FIGN: variants seen among roughly 807,000 people sequenced by gnomAD.
FIGN encodes the protein fidgetin, microtubule severing factor.
A neutral mutation model predicts 51.3 loss-of-function variants in FIGN; 11 were observed. The observed-to-expected ratio is 0.21, with a 90% CI of 0.13 to 0.35. The LOEUF (loss-of-function observed/expected upper bound fraction) is 0.35, where lower values mean the gene tolerates loss of function less well. Among genes scored for constraint, FIGN ranks in the 10% least tolerant of loss-of-function variants. The pLI is 1.00. For synonymous variants in FIGN, 407 were observed against 363.2 expected, an observed-to-expected ratio of 1.12 and a Z score of -1.37; for missense variants, 857 against 943.6, an observed-to-expected ratio of 0.91 and a Z score of 1.20.
chr2:163,622,287 A>G lies in FIGN; in HGVS notation c.26-10481T>C, dbSNP rs916880711. Among the ~76,000 whole-genome samples, 17 of 152,188 alleles carry G rather than the reference A, an allele frequency of 1.1e-4. No homozygotes were observed. In the East Asian group the frequency reaches 2.3e-3, roughly 21 times the overall value. On this transcript the variant is annotated intron_variant, in intron 2 of 2. Coordinates refer to ENST00000333129, the MANE Select transcript of FIGN (RefSeq NM_018086.4). The stretch of plus-strand genomic sequence containing the variant: ...GAGATGATGGCTGCAGTGAGTTGAG[A>G]TCATGTCACTGCACTCCAGCCTCGG...
At chr2:163,651,440 A>C (rs1490827703) in intron 2 of FIGN, among the ~76,000 whole-genome samples, 1 of 152,222 alleles carries the variant, frequency 6.6e-6, no homozygotes, top group Non-Finnish European at 1.5e-5. Flanking sequence ...TGAGCGACAC[A>C]GTGAGACTCC....
chr2:163,642,105 C>T (rs1683314762), intron 2 of FIGN, among the ~76,000 whole-genome samples: 1 of 152,200 alleles, frequency 6.6e-6, no homozygotes, highest in Admixed American at 6.5e-5. Context: ...ATAGGACATT[C>T]TGGCTTCAAA....
At chr2:163,624,842 C>A (rs1241935716) in intron 2 of FIGN, among the ~76,000 whole-genome samples, 2 of 151,632 alleles carry the variant, frequency 1.3e-5, no homozygotes, top group East Asian at 1.9e-4. Flanking sequence ...TAGAAAAATA[C>A]CAGTAATGAG....
intron 2 of FIGN, among the ~76,000 whole-genome samples, chr2:163,623,066 AC>A (rs1172055613): frequency 2.0e-5 from 3 of 152,204 alleles, no homozygotes; most frequent in Non-Finnish European, 4.4e-5. Flanking sequence ...GGTAGGCTAC[AC>A]AAAAATTCAA....
chr2:163,731,387 A>T (rs1684926613), intron 2 of FIGN, among the ~76,000 whole-genome samples: 1 of 152,174 alleles, frequency 6.6e-6, no homozygotes, highest in South Asian at 2.1e-4. Context: ...TCTTGGAAAT[A>T]CTACCTATTT....
At chr2:163,735,534 A>G (rs1685001554) in intron 1 of FIGN, among the ~76,000 whole-genome samples, 1 of 152,262 alleles carries the variant, frequency 6.6e-6, no homozygotes, top group Non-Finnish European at 1.5e-5. Context: ...GTAAAAAGAT[A>G]GTAATAAGTA....
In FIGN at chr2:163,656,685, G is replaced by A. The variant is rs114087289; in HGVS notation, c.26-44879C>T. Among the ~76,000 whole-genome samples the A allele has an allele frequency of 9.4e-3, 1,426 of 152,144 alleles. 27 individuals are homozygous for A. The highest frequency in any genetic ancestry group is 0.033 in the African/African-American group (1,362 of 41,504). On this transcript the variant is annotated intron_variant, in intron 2 of 2. Transcript: ENST00000333129. ...CTAAATGATTTAAATTGCTTCTAACGGGCATTATTTTCCACTGTTTCATCA... is the reference window on the plus strand; with the variant it reads ...CTAAATGATTTAAATTGCTTCTAACAGGCATTATTTTCCACTGTTTCATCA...
At chr2:163,719,071 T>C (rs568363133) in intron 2 of FIGN, among the ~76,000 whole-genome samples, 14 of 152,284 alleles carry the variant, frequency 9.2e-5, no homozygotes, top group African/African-American at 3.1e-4. Flanking sequence ...AGGTGTTTTT[T>C]AGGCAGAAGA....
intron 2 of FIGN, among the ~76,000 whole-genome samples, chr2:163,704,725 A>G (rs1684471512): frequency 1.3e-5 from 2 of 150,948 alleles, no homozygotes; most frequent in African/African-American, 4.9e-5. Flanking sequence ...AGCGGTTACT[A>G]TTCACCGTTA....
At chr2:163,645,650 T>G (rs1400296048) in intron 2 of FIGN, among the ~76,000 whole-genome samples, 2 of 152,176 alleles carry the variant, frequency 1.3e-5, no homozygotes, top group Admixed American at 1.3e-4. Flanking sequence ...TGACAGTGGT[T>G]ATGTTTGCAG....
chr2:163,695,733 G>T (rs962455528), intron 2 of FIGN, among the ~76,000 whole-genome samples: 5 of 152,148 alleles, frequency 3.3e-5, no homozygotes, highest in Non-Finnish European at 7.4e-5. Flanking sequence ...CAAGTCTGTT[G>T]TCTACCCAAC....
intron 2 of FIGN, among the ~76,000 whole-genome samples, chr2:163,726,112 C>G (rs1175345567): frequency 2.0e-5 from 3 of 152,020 alleles, no homozygotes; most frequent in Admixed American, 2.0e-4. Context: ...AAAGAAAAAG[C>G]ACTGTTCATA....
intron 2 of FIGN, among the ~76,000 whole-genome samples, chr2:163,706,890 A>G (rs1053760822): frequency 6.6e-6 from 1 of 152,228 alleles, no homozygotes; most frequent in Non-Finnish European, 1.5e-5. Context: ...AAATTATGCC[A>G]GTATGACCAA....
intron 2 of FIGN, among the ~76,000 whole-genome samples, chr2:163,660,905 TGAGA>T: frequency 1.4e-5 from 1 of 73,032 alleles, no homozygotes; most frequent in Non-Finnish European, 2.7e-5. Context: ...TTTTTTTTTT[TGAGA>T]TGGAGTCTCT....
chr2:163,617,172 T>C (rs1682892268), intron 2 of FIGN: 1 of 985,104 alleles, frequency 1.0e-6, no homozygotes, highest in African/African-American at 1.7e-5. Context: ...CTTTAAAATA[T>C]GGCATAAAAT....
intron 2 of FIGN, among the ~76,000 whole-genome samples, chr2:163,662,223 T>A (rs1024411262): frequency 6.6e-6 from 1 of 152,170 alleles, no homozygotes; most frequent in Non-Finnish European, 1.5e-5. Flanking sequence ...AATCTTGTTA[T>A]GTTTTAGGAA....
rs1162350395 is a variant in FIGN, at chr2:163,609,320, G to C, written c.*232C>G. On this transcript the variant is annotated 3_prime_UTR_variant, in exon 3 of 3. Transcript: ENST00000333129. Reference sequence around the variant, plus strand: ...TGGTGAGTGTTGTCTAGCTTGAACAGAACTGAGCATCCACATATGCTTTCT... The same window carrying C: ...TGGTGAGTGTTGTCTAGCTTGAACACAACTGAGCATCCACATATGCTTTCT... The C allele has an allele frequency of 9.2e-6, 5 of 543,098 alleles. No individual in the cohort carries two copies. The highest frequency in any genetic ancestry group is 7.6e-5 in the African/African-American group (4 of 52,904). The allele number at this position is 543,098 out of a possible 1,614,324, so 33.6% of individuals were successfully genotyped here.
intron 2 of FIGN, among the ~76,000 whole-genome samples, chr2:163,619,097 T>A (rs1028665150): frequency 2.6e-5 from 4 of 152,130 alleles, no homozygotes; most frequent in Admixed American, 2.6e-4. Context: ...CCCCTTTTGC[T>A]CTAATTTGTC....
At chr2:163,629,596 C>G (rs979246784) in intron 2 of FIGN, among the ~76,000 whole-genome samples, 11 of 151,968 alleles carry the variant, frequency 7.2e-5, no homozygotes, top group Non-Finnish European at 1.3e-4. Flanking sequence ...ATCTAGCAGG[C>G]CAAATCCAGT....
Sources: allele counts gnomAD v4.1 joint callset (sites outside exome capture counted in the v4.1 genomes callset), GRCh38; gene constraint gnomAD v4.1.1; transcripts MANE v1.5; gene names NCBI Gene and HGNC (gene_info 2026-07-23, HGNC 2026-07-21).